SMC1B: variants seen among roughly 807,000 people sequenced by gnomAD.
The protein encoded by SMC1B is structural maintenance of chromosomes protein 1B.
A neutral mutation model predicts 157.9 loss-of-function variants in SMC1B; 60 were observed. The observed-to-expected ratio is 0.38, with a 90% CI of 0.31 to 0.47. SMC1B has a LOEUF of 0.47. SMC1B is among the 20% of genes least tolerant of loss of function. SMC1B has a pLI of 0.99. For missense variants in SMC1B, 1,165 were observed against 1,426.2 expected, an observed-to-expected ratio of 0.82 and a Z score of 2.95; for synonymous variants, 445 against 483.0, an observed-to-expected ratio of 0.92 and a Z score of 1.03.
chr22:45,396,943 C>T (rs1423779982), intron 6 of SMC1B, among the ~76,000 whole-genome samples: 1 of 152,036 alleles, frequency 6.6e-6, no homozygotes, highest in Admixed American at 6.6e-5. Context: ...ATGAATTAAT[C>T]TCTAACTTAT....
rs136574 is a variant in SMC1B at position 45,372,716 on chromosome 22, C to CTTTT, written c.2059-428_2059-425dup. ...ACACTCCCTCCCATTGACTCCAGGT[C>CTTTT]TTTTTTTTTTTTTTGAGACAGAGTC... On this transcript the variant is annotated intron_variant, in intron 12 of 24. Coordinates refer to ENST00000357450, the MANE Select transcript of SMC1B (RefSeq NM_148674.5). 9.7e-5 allele frequency among the ~76,000 whole-genome samples: 12 copies of CTTTT among 123,578 alleles called. 3 individuals carry two copies. The highest frequency in any genetic ancestry group is 7.2e-4 in the East Asian group (3 of 4,186). The allele number at this position is 123,578 out of a possible 152,430, so 81.1% of individuals were successfully genotyped here. A position where few individuals can be genotyped will look rare whatever the true frequency, so the allele number is the denominator to read the frequency against.
At chr22:45,375,391 C>T (rs930163413) in intron 12 of SMC1B, among the ~76,000 whole-genome samples, 4 of 152,222 alleles carry the variant, frequency 2.6e-5, no homozygotes, top group Admixed American at 2.6e-4. Context: ...CACATGCTGT[C>T]AGGACCTCCT....
At chr22:45,347,053 G>T (rs2086559470) in intron 23 of SMC1B, among the ~76,000 whole-genome samples, 1 of 152,214 alleles carries the variant, frequency 6.6e-6, no homozygotes, top group Non-Finnish European at 1.5e-5. Context: ...CAGCCACCAA[G>T]ATTTCCCCTC....
Position 45,396,421 on chromosome 22 carries a change from C to T in SMC1B, c.1179G>A (p.Leu393=), listed in dbSNP as rs1161344523. Residue 393 remains leucine (L), a synonymous_variant, in exon 7 of 25, where the codon CTG becomes CTA. Transcript: ENST00000357450. ...TCTTCTGTTCCCACTGCAGTTTTTC[C>T]AGTTGTTGAGTCATTGTAGCTACTT... The part of the protein sequence containing the change: ...RKKVATMTQQ[L]EKLQWEQKTD... The T allele has an allele frequency of 1.2e-6, 2 of 1,613,194 alleles. No homozygotes were observed. The highest frequency in any genetic ancestry group is 1.7e-6 in the Non-Finnish European group (2 of 1,179,604).
At chr22:45,389,408 A>G (rs2087031043) in intron 10 of SMC1B, among the ~76,000 whole-genome samples, 2 of 152,226 alleles carry the variant, frequency 1.3e-5, no homozygotes, top group African/African-American at 2.4e-5. Context: ...ATACTTTGCT[A>G]TATAGGACAG....
intron 7 of SMC1B, among the ~76,000 whole-genome samples, chr22:45,395,683 C>A (rs982029084): frequency 6.6e-6 from 1 of 152,072 alleles, no homozygotes; most frequent in Non-Finnish European, 1.5e-5. Context: ...CATGGAGAAA[C>A]CCTGTCTCTA....
At position 45,372,022 on chromosome 22, in the gene SMC1B, G is replaced by A. The variant is rs895274437; in HGVS notation, c.2196+133C>T. 6 of 704,930 alleles carry A rather than the reference G, an allele frequency of 8.5e-6. No homozygotes were observed. The African/African-American group carries it at 1.1e-4, about 13-fold the overall frequency. 43.7% of individuals were successfully genotyped at this position (704,930 alleles called of 1,614,324 possible). A position where few individuals can be genotyped will look rare whatever the true frequency, so the allele number is the denominator to read the frequency against. ...AAAGCCACTGCACTCCAGCCTGGGTGACAGAGTGAGAGACTCTGTCTCAGG... is the reference window on the plus strand; with the variant it reads ...AAAGCCACTGCACTCCAGCCTGGGTAACAGAGTGAGAGACTCTGTCTCAGG... On this transcript the variant is annotated intron_variant, in intron 13 of 24. Transcript: ENST00000357450.
chr22:45,352,065 T>C (rs1312134527), intron 22 of SMC1B, among the ~76,000 whole-genome samples: 1 of 152,186 alleles, frequency 6.6e-6, no homozygotes, highest in Non-Finnish European at 1.5e-5. Context: ...GTAGTAGCTA[T>C]TGATAATAAC....
intron 23 of SMC1B, among the ~76,000 whole-genome samples, chr22:45,348,894 A>T (rs1053130300): frequency 4.6e-5 from 7 of 151,936 alleles, no homozygotes; most frequent in African/African-American, 1.7e-4. Context: ...TGTAGGGACA[A>T]GGTCTCCTTA....
At chr22:45,393,292 A>G (rs2087082964) in intron 9 of SMC1B, among the ~76,000 whole-genome samples, 1 of 152,174 alleles carries the variant, frequency 6.6e-6, no homozygotes, top group African/African-American at 2.4e-5. Context: ...AAACCATGAA[A>G]AACATGAGGT....
intron 1 of SMC1B, among the ~76,000 whole-genome samples, chr22:45,410,469 G>A (rs562480823): frequency 2.6e-5 from 4 of 152,162 alleles, no homozygotes; most frequent in African/African-American, 9.7e-5. Flanking sequence ...TTGGGAGGCC[G>A]AGGCAGGAAG....
At chr22:45,409,092 T>C (rs117583424) in intron 1 of SMC1B, among the ~76,000 whole-genome samples, 194 bp from the exon 2 acceptor site, 147 of 152,358 alleles carry the variant, frequency 9.6e-4, no homozygotes, top group African/African-American at 3.4e-3. Context: ...TGTAGACTAT[T>C]AAGAGGTCTA....
At position 45,399,355 on chromosome 22, in the gene SMC1B, T is replaced by A; in HGVS notation, c.855-2A>T. On this transcript the variant is annotated splice_acceptor_variant, in intron 5 of 24. Coordinates refer to ENST00000357450, the MANE Select transcript of SMC1B (RefSeq NM_148674.5). LOFTEE classifies it high-confidence loss of function. ...TGATTTAAAAGGGTTTCAACCGATC[T>A]GAAAAGGGAAAAATGTTTGCTTTAA... 6.3e-7 allele frequency: 1 copy of A among 1,583,906 alleles called. No homozygotes were observed. Among genetic ancestry groups the A allele is most frequent in the Non-Finnish European group, 8.5e-7 (1 of 1,171,108 alleles).
chr22:45,408,238 G>A (rs919084618), intron 2 of SMC1B, among the ~76,000 whole-genome samples: 1 of 152,116 alleles, frequency 6.6e-6, no homozygotes, highest in Admixed American at 6.6e-5. Flanking sequence ...CCATTCTCCT[G>A]CCTCAGCCTC....
intron 4 of SMC1B, among the ~76,000 whole-genome samples, chr22:45,404,929 C>T (rs1225548405): frequency 1.3e-5 from 2 of 151,920 alleles, no homozygotes; most frequent in African/African-American, 4.8e-5. Flanking sequence ...GACAAGCAAA[C>T]AAATAATAAA....
chr22:45,398,955 C>A, intron 6 of SMC1B, 140 bp downstream of exon 6: 1 of 840,472 alleles, frequency 1.2e-6, no homozygotes, highest in Non-Finnish European at 1.9e-6. Flanking sequence ...TGTATACAGG[C>A]TGAAAAATTT....
chr22:45,346,762 G>A (rs1028766999), intron 23 of SMC1B, among the ~76,000 whole-genome samples: 1 of 152,176 alleles, frequency 6.6e-6, no homozygotes, highest in African/African-American at 2.4e-5. Context: ...GAAGATGCAG[G>A]GCATGCGTTT....
intron 15 of SMC1B, among the ~76,000 whole-genome samples, chr22:45,366,406 G>A (rs1318601263): frequency 6.6e-6 from 1 of 152,102 alleles, no homozygotes; most frequent in Admixed American, 6.5e-5. Context: ...AAGAGGTCCA[G>A]GCTAAAGGTA....
intron 19 of SMC1B, among the ~76,000 whole-genome samples, chr22:45,356,480 G>C (rs752883451): frequency 9.9e-5 from 15 of 152,200 alleles, no homozygotes; most frequent in Non-Finnish European, 1.9e-4. Context: ...CCAGAGAGAA[G>C]TCTGTGCCTT....
Sources: gnomAD v4.1 joint callset for allele counts (sites outside exome capture counted in the v4.1 genomes callset) on GRCh38, gnomAD v4.1.1 for gene constraint, MANE v1.5 for transcripts, NCBI Gene and HGNC (gene_info 2026-07-23, HGNC 2026-07-21) for gene names.